The following EXOC4 variants were observed in gnomAD, a reference collection of about 807,000 sequenced individuals.
EXOC4 encodes SEC8-like 1.
EXOC4 carries 71 observed loss-of-function variants against 107.2 expected under a neutral mutation model. The observed-to-expected ratio is 0.66, with a 90% CI of 0.55 to 0.81. The LOEUF (loss-of-function observed/expected upper bound fraction) is 0.81, where lower values mean the gene tolerates loss of function less well. EXOC4 is among the 30% of genes least tolerant of loss of function. The probability of loss-of-function intolerance (pLI) is 0.00; values close to 1 mark genes in which losing one functional copy is unlikely to be tolerated. For synonymous variants in EXOC4, 456 were observed against 441.2 expected (o/e 1.03, Z -0.42); for missense variants, 1,108 against 1,189.6 (o/e 0.93, Z 1.01).
chr7:133,360,572 G>T (rs987831798), intron 6 of EXOC4, among the ~76,000 whole-genome samples: 1 of 152,194 alleles, frequency 6.6e-6, no homozygotes, highest in Admixed American at 6.5e-5. Flanking sequence ...TGAAGAAAAA[G>T]ATTAAATGTC....
intron 7 of EXOC4, among the ~76,000 whole-genome samples, chr7:133,434,100 G>A (rs1797912918): frequency 6.6e-6 from 1 of 152,092 alleles, no homozygotes; most frequent in South Asian, 2.1e-4. Context: ...ATTGTCTTGG[G>A]CTAATTCCTT....
chr7:133,838,308 A>G (rs1797958873), intron 11 of EXOC4, among the ~76,000 whole-genome samples: 1 of 152,222 alleles, frequency 6.6e-6, no homozygotes, highest in South Asian at 2.1e-4. Context: ...TCTGAGTTAA[A>G]GTAGTTTTCA....
chr7:133,451,023 A>C (rs1798333093), intron 7 of EXOC4, among the ~76,000 whole-genome samples: 1 of 152,162 alleles, frequency 6.6e-6, no homozygotes, highest in Admixed American at 6.5e-5. Flanking sequence ...TGGTTTGGAG[A>C]ATACAGACAG....
chr7:133,583,036 A>G (rs1801314864), intron 9 of EXOC4, among the ~76,000 whole-genome samples: 1 of 152,246 alleles, frequency 6.6e-6, no homozygotes, highest in Non-Finnish European at 1.5e-5. Context: ...CATTTAAAGT[A>G]TACTATTTAG....
At chr7:133,364,969 A>G (rs892552818) in intron 6 of EXOC4, among the ~76,000 whole-genome samples, 3 of 152,156 alleles carry the variant, frequency 2.0e-5, no homozygotes, top group African/African-American at 7.2e-5. Flanking sequence ...AACCCATGTC[A>G]TGGGCCTGAT....
chr7:133,984,719 G>A (rs1029683593), intron 14 of EXOC4, among the ~76,000 whole-genome samples: 12 of 152,328 alleles, frequency 7.9e-5, no homozygotes, highest in South Asian at 2.1e-4. Context: ...TGCTAAGTCC[G>A]TAGGAGAGAG....
At chr7:134,062,877 T>G (rs1161710200) in intron 17 of EXOC4, among the ~76,000 whole-genome samples, 1 of 152,232 alleles carries the variant, frequency 6.6e-6, no homozygotes, top group Non-Finnish European at 1.5e-5. Flanking sequence ...AATGCATATT[T>G]CTATTACAGG....
At chr7:133,825,872 TG>T (rs1014656690) in intron 11 of EXOC4, among the ~76,000 whole-genome samples, 1 of 152,170 alleles carries the variant, frequency 6.6e-6, no homozygotes. Flanking sequence ...CTCTGAGAGA[TG>T]GTGCTAATGG....
chr7:133,383,198 T>G (rs1350108109), intron 7 of EXOC4, among the ~76,000 whole-genome samples: 1 of 152,198 alleles, frequency 6.6e-6, no homozygotes, highest in Non-Finnish European at 1.5e-5. Flanking sequence ...TCTTGTTGAA[T>G]TCTGCATAGC....
At chr7:134,008,095 G>C (rs1794685577) in intron 17 of EXOC4, among the ~76,000 whole-genome samples, 1 of 151,924 alleles carries the variant, frequency 6.6e-6, no homozygotes, top group African/African-American at 2.4e-5. Context: ...CTTTTTTTCT[G>C]CATGTAAAAG....
At chr7:133,624,838 C>T (rs1204256909) in intron 9 of EXOC4, among the ~76,000 whole-genome samples, 1 of 151,790 alleles carries the variant, frequency 6.6e-6, no homozygotes, top group Non-Finnish European at 1.5e-5. Context: ...GGTAATCTGC[C>T]CACCTCAGCC....
chr7:133,385,603 T>A (rs575432749), intron 7 of EXOC4, among the ~76,000 whole-genome samples: 24 of 152,236 alleles, frequency 1.6e-4, no homozygotes, highest in Non-Finnish European at 3.1e-4. Flanking sequence ...ACTCAAGTAC[T>A]GAAATGATTT....
At chr7:133,452,942 T>C (rs2150811149) in intron 7 of EXOC4, among the ~76,000 whole-genome samples, 1 of 152,330 alleles carries the variant, frequency 6.6e-6, no homozygotes, top group African/African-American at 2.4e-5. Context: ...CAGTTGTTCA[T>C]TAATCTCCTT....
intron 1 of EXOC4, among the ~76,000 whole-genome samples, 180 bp from the exon 2 acceptor site, chr7:133,274,802 G>A (rs1020095098): frequency 3.9e-5 from 6 of 152,152 alleles, no homozygotes; most frequent in African/African-American, 1.2e-4. Context: ...CCACTTAGAT[G>A]GGCTATTGAA....
At chr7:133,604,300 A>T (rs1201057824) in intron 9 of EXOC4, among the ~76,000 whole-genome samples, 1 of 152,218 alleles carries the variant, frequency 6.6e-6, no homozygotes, top group Admixed American at 6.5e-5. Flanking sequence ...AGTATAGTAA[A>T]TACATAAACC....
chr7:134,021,789 GAC>G (rs1235155084), intron 17 of EXOC4, among the ~76,000 whole-genome samples: 3 of 145,444 alleles, frequency 2.1e-5, no homozygotes, highest in South Asian at 2.2e-4. Flanking sequence ...TCTTTCTCTT[GAC>G]ACACACGGTC....
At chr7:133,664,658 G>C (rs1241090063) in intron 10 of EXOC4, among the ~76,000 whole-genome samples, 1 of 152,134 alleles carries the variant, frequency 6.6e-6, no homozygotes, top group South Asian at 2.1e-4. Context: ...CAAATCCAGA[G>C]ACCTTTGTAG....
chr7:133,777,719 G>T (rs900348702), intron 10 of EXOC4, among the ~76,000 whole-genome samples: 1 of 152,160 alleles, frequency 6.6e-6, no homozygotes, highest in African/African-American at 2.4e-5. Context: ...TGAGCAAGTC[G>T]CTAAACCTCT....
chr7:133,970,987 T>TA (rs1801208325), intron 14 of EXOC4, among the ~76,000 whole-genome samples: 1 of 152,044 alleles, frequency 6.6e-6, no homozygotes, highest in South Asian at 2.1e-4. Context: ...TCTTCTCAGT[T>TA]AAAAACCCCC....
Sources: gnomAD v4.1 joint callset for allele counts (sites outside exome capture counted in the v4.1 genomes callset) on GRCh38, gnomAD v4.1.1 for gene constraint, MANE v1.5 for transcripts, NCBI Gene and HGNC (gene_info 2026-07-23, HGNC 2026-07-21) for gene names.